The following PNISR variants were observed in gnomAD, a reference collection of about 807,000 sequenced individuals.
PNISR encodes arginine/serine-rich protein PNISR.
In PNISR, 20 loss-of-function variants were observed where a neutral mutation model predicts 93.4. The observed-to-expected ratio is 0.21, with a 90% CI of 0.15 to 0.31. PNISR has a LOEUF of 0.31. PNISR is among the 10% of genes least tolerant of loss of function. PNISR has a pLI of 1.00. For missense variants in PNISR, 893 were observed against 985.4 expected (o/e 0.91, Z 1.25); for synonymous variants, 305 against 306.5 (o/e 0.99, Z 0.05).
Position 99,410,898 on chromosome 6 carries a change from C to T in PNISR, c.344G>A (p.Gly115Asp), listed in dbSNP as rs1776829361. 1.2e-6 allele frequency: 2 copies of T among 1,613,872 alleles called. No individual in the cohort carries two copies. The highest frequency in any genetic ancestry group is 3.3e-5 in the Admixed American group (2 of 59,972). Residue 115 changes from glycine (G) to aspartate (D), a missense_variant, in exon 5 of 12, where the codon GGC becomes GAC. By Grantham distance (94) the Gly-to-Asp change is moderately conservative (BLOSUM62 -1). This residue lies in a region of PNISR where 866 missense variants were observed against 935.1 expected (regional missense o/e 0.93). Coordinates refer to ENST00000369239, the MANE Select transcript of PNISR (RefSeq NM_032870.4). The stretch of plus-strand genomic sequence containing the variant: ...AGAAGGAGGAACAATGTCCATTGGG[C>T]CTGGTGTTGGTGGCATCCATGGCTG... ...PDQPWMPPTP[G>D]PMDIVPPSED...
At chr6:99,406,266 A>G (rs1776146463) in intron 7 of PNISR, 98 bp from the exon 8 acceptor site, 26 of 630,292 alleles carry the variant, frequency 4.1e-5, no homozygotes, top group Non-Finnish European at 2.0e-5. Flanking sequence ...TAAAAAGTCT[A>G]TGAAACAGAA....
Position 99,425,295 on chromosome 6 carries a change from G to A in PNISR, c.-192C>T, listed in dbSNP as rs528322071. The A allele has an allele frequency of 1.6e-6, 2 of 1,232,032 alleles. No homozygotes were observed. Among genetic ancestry groups the A allele is most frequent in the Non-Finnish European group, 2.0e-6 (2 of 987,894 alleles). 76.3% of individuals were successfully genotyped at this position (1,232,032 alleles called of 1,614,324 possible). ...GCTTTCGATGCTTCTACTTCTTCGG[G>A]AACAAGACAAGATGGCGCCCGATTT... On this transcript the variant is annotated 5_prime_UTR_variant, in exon 1 of 12. Coordinates refer to ENST00000369239, the MANE Select transcript of PNISR (RefSeq NM_032870.4).
Position 99,408,353 on chromosome 6 carries a change from C to T in PNISR, c.674-82G>A, listed in dbSNP as rs549078378. 59 of 899,458 alleles carry T rather than the reference C, an allele frequency of 6.6e-5. No homozygotes were observed. The East Asian group carries it at 1.4e-3, about 22-fold the overall frequency. 55.7% of individuals were successfully genotyped at this position (899,458 alleles called of 1,614,324 possible). A position where few individuals can be genotyped will look rare whatever the true frequency, so the allele number is the denominator to read the frequency against. On this transcript the variant is annotated intron_variant, in intron 6 of 11. Transcript: ENST00000369239. ...TTGTGAGTAAATTTAAAAAATATCC[C>T]ATTAAATATCATGCCTTTCTTCAAT...
intron 1 of PNISR, among the ~76,000 whole-genome samples, chr6:99,417,845 G>A (rs1050581531): frequency 4.4e-4 from 67 of 151,632 alleles, no homozygotes; most frequent in African/African-American, 1.6e-3. Context: ...GCGGGCTCCT[G>A]TAATCCCAGC....
intron 7 of PNISR, 117 bp from the exon 8 acceptor site, chr6:99,406,285 G>A: frequency 2.0e-6 from 1 of 491,662 alleles, no homozygotes; most frequent in South Asian, 4.9e-5. Flanking sequence ...AAATATGAGT[G>A]AAACTGCTAT....
At chr6:99,412,457 AG>A in intron 4 of PNISR, 93 bp downstream of exon 4, 1 of 863,202 alleles carries the variant, frequency 1.2e-6, no homozygotes, top group Non-Finnish European at 1.9e-6. Context: ...ATTAATTTCC[AG>A]AAGTCATACA....
intron 9 of PNISR, 91 bp from the exon 10 acceptor site, chr6:99,403,973 C>A: frequency 1.2e-6 from 1 of 812,000 alleles, no homozygotes; most frequent in Admixed American, 2.4e-5. Flanking sequence ...AAATCTACTA[C>A]TATTGCTGCT....
At chr6:99,422,876 C>A (rs1388220987) in intron 1 of PNISR, among the ~76,000 whole-genome samples, 94 of 94,934 alleles carry the variant, frequency 9.9e-4, no homozygotes, top group African/African-American at 1.2e-3. Context: ...CACTCTGTCT[C>A]AAAAAAAAAA....
intron 1 of PNISR, among the ~76,000 whole-genome samples, chr6:99,418,290 A>T (rs1183038411): frequency 6.6e-6 from 1 of 151,718 alleles, no homozygotes; most frequent in East Asian, 2.0e-4. Context: ...GCTGCTCGCC[A>T]CCAAGCCTGG....
chr6:99,414,661 C>A lies in PNISR; in HGVS notation c.-2G>T. 6.3e-7 allele frequency: 1 copy of A among 1,578,272 alleles called. No homozygotes were observed. Among genetic ancestry groups the A allele is most frequent in the Non-Finnish European group, 8.7e-7 (1 of 1,154,478 alleles). Reference sequence around the variant, plus strand: ...AGGCTGTCCTCCTTGATCCCACATCCCTTCTTTTAAAATATACTTGATTTT... The same window carrying A: ...AGGCTGTCCTCCTTGATCCCACATCACTTCTTTTAAAATATACTTGATTTT... On this transcript the variant is annotated 5_prime_UTR_variant, in exon 3 of 12. Transcript: ENST00000369239.
chr6:99,400,771 AAC>A lies in PNISR; in HGVS notation c.2185_2186del (p.Val729Ter). Reference protein sequence around the residue: ...RTFSRSGSISVKIIRHDSRQD... With the variant: ...RTFSRSGSISXKIIRHDSRQD... ...GTCTAGAATCATGTCTTATGATTTT[AAC>A]AGATATAGAACCACTCCTAGAAAAT... On this transcript the variant is annotated frameshift_variant, in exon 12 of 12. Transcript: ENST00000369239. LOFTEE classifies it high-confidence loss of function. The A allele has an allele frequency of 6.2e-7, 1 of 1,611,366 alleles. No individual in the cohort carries two copies. The highest frequency in any genetic ancestry group is 8.5e-7 in the Non-Finnish European group (1 of 1,178,444).
chr6:99,412,513 T>C, intron 4 of PNISR, 38 bp downstream of exon 4: 1 of 1,414,546 alleles, frequency 7.1e-7, no homozygotes, highest in Non-Finnish European at 9.7e-7. Flanking sequence ...ATTCTGTTTT[T>C]TAAAAGTCTT....
At chr6:99,408,909 T>C (rs1466512412) in intron 6 of PNISR, among the ~76,000 whole-genome samples, 1 of 152,058 alleles carries the variant, frequency 6.6e-6, no homozygotes, top group East Asian at 1.9e-4. Flanking sequence ...CTGAAGAAAA[T>C]ACCAACATGC....
chr6:99,414,686 T>A lies in PNISR; in HGVS notation c.-27A>T. 7.0e-7 allele frequency: 1 copy of A among 1,426,072 alleles called. No homozygotes were observed. Among genetic ancestry groups the A allele is most frequent in the Non-Finnish European group, 9.8e-7 (1 of 1,024,446 alleles). 88.3% of individuals were successfully genotyped at this position (1,426,072 alleles called of 1,614,324 possible). On this transcript the variant is annotated 5_prime_UTR_variant, in exon 3 of 12. Coordinates refer to ENST00000369239, the MANE Select transcript of PNISR (RefSeq NM_032870.4). The stretch of plus-strand genomic sequence containing the variant: ...CCTTCTTTTAAAATATACTTGATTT[T>A]CTATCTTCAATAAATTAAACATAGT...
At chr6:99,423,567 G>C (rs998265636) in intron 1 of PNISR, among the ~76,000 whole-genome samples, 2 of 152,328 alleles carry the variant, frequency 1.3e-5, no homozygotes, top group Admixed American at 6.5e-5. Flanking sequence ...CACCTTGATA[G>C]TATGTATCCT....
chr6:99,408,282 T>C lies in PNISR; in HGVS notation c.674-11A>G, dbSNP rs1364921660. ...TGCGTTTTACTGCGTCTGTTTCACG[T>C]GGGAAAAATATACGCAAGTCAGTTA... is the stretch of plus-strand genomic sequence containing the variant. On this transcript the variant is annotated splice_polypyrimidine_tract_variant and intron_variant, in intron 6 of 11. Coordinates refer to ENST00000369239, the MANE Select transcript of PNISR (RefSeq NM_032870.4). 1 of 1,578,174 alleles carries C rather than the reference T, an allele frequency of 6.3e-7. No individual in the cohort carries two copies. The highest frequency in any genetic ancestry group is 8.6e-7 in the Non-Finnish European group (1 of 1,160,364).
intron 9 of PNISR, 150 bp from the exon 10 acceptor site, chr6:99,404,032 G>T: frequency 1.7e-6 from 1 of 593,574 alleles, no homozygotes; most frequent in Non-Finnish European, 3.0e-6. Flanking sequence ...TTTTAAACCA[G>T]TATCATGTCT....
rs1386125829 is a variant in PNISR, at chr6:99,410,866, T to C, written c.376A>G (p.Ser126Gly). 3 of 1,614,000 alleles carry C rather than the reference T, an allele frequency of 1.9e-6. No homozygotes were observed. The highest frequency in any genetic ancestry group is 3.3e-5 in the Admixed American group (2 of 59,970). Residue 126 changes from serine (S) to glycine (G), a missense_variant, in exon 5 of 12, where the codon AGC (serine) becomes GGC (glycine). Ser to Gly is a moderately conservative substitution (Grantham distance 56). This residue lies in a region of PNISR where 866 missense variants were observed against 935.1 expected (regional missense o/e 0.93). Transcript: ENST00000369239. ...AATTCCCCACTGTCCTGACTGTTGC[T>C]GTCTTCAGAAGGAGGAACAATGTCC... ...PMDIVPPSED[S>G]NSQDSGEFAP...
chr6:99,408,253 G>C lies in PNISR; in HGVS notation c.692C>G (p.Thr231Ser). The C allele has an allele frequency of 6.2e-7, 1 of 1,609,774 alleles. No individual in the cohort carries two copies. Among genetic ancestry groups the C allele is most frequent in the Non-Finnish European group, 8.5e-7 (1 of 1,178,134 alleles). Residue 231 changes from threonine to serine, a missense_variant, in exon 7 of 12, where the codon ACT (threonine) becomes AGT (serine). By Grantham distance (58) the Thr-to-Ser change is moderately conservative. Around this residue, in one of 3 missense-constraint regions of PNISR, gnomAD observed 866 missense variants for 935.1 expected, o/e 0.93. Coordinates refer to ENST00000369239, the MANE Select transcript of PNISR (RefSeq NM_032870.4). ...PPQIDAVKRR[T>S]LPAWIREGLE... Reference sequence around the variant, plus strand: ...ACCTTCGCGAATCCAAGCGGGAAGAGTCCTGCGTTTTACTGCGTCTGTTTC... The same window carrying C: ...ACCTTCGCGAATCCAAGCGGGAAGACTCCTGCGTTTTACTGCGTCTGTTTC...
Sources: gnomAD v4.1 joint callset for allele counts (sites outside exome capture counted in the v4.1 genomes callset) on GRCh38, gnomAD v4.1.1 for gene constraint, gnomAD v4.1.1 regional missense constraint, MANE v1.5 for transcripts, NCBI Gene and HGNC (gene_info 2026-07-23, HGNC 2026-07-21) for gene names.